GPHN: variants seen among roughly 807,000 people sequenced by gnomAD.
GPHN encodes the protein gephyrin.
GPHN carries 17 observed loss-of-function variants against 95.5 expected under a neutral mutation model. The ratio of observed to expected loss-of-function variants is 0.18; its 90% CI spans 0.12 to 0.27. The LOEUF (loss-of-function observed/expected upper bound fraction) is 0.27, where lower values mean the gene tolerates loss of function less well. GPHN is among the 10% of genes least tolerant of loss of function. The pLI, the probability that GPHN is intolerant of heterozygous loss-of-function variation, is 1.00. For missense variants in GPHN, 660 were observed against 978.1 expected, an observed-to-expected ratio of 0.67 and a Z score of 4.34; for synonymous variants, 320 against 322.5, an observed-to-expected ratio of 0.99 and a Z score of 0.08.
At chr14:66,626,653 C>T (rs1385954713) in intron 1 of GPHN, among the ~76,000 whole-genome samples, 2 of 152,178 alleles carry the variant, frequency 1.3e-5, no homozygotes, top group South Asian at 4.1e-4. Context: ...TGGCTTAACA[C>T]TGGACCTCAC....
intron 1 of GPHN, among the ~76,000 whole-genome samples, chr14:66,511,291 TTACTG>T (rs1453247664): frequency 6.6e-6 from 1 of 152,182 alleles, no homozygotes; most frequent in Non-Finnish European, 1.5e-5. Context: ...GAATTATTCT[TTACTG>T]AACTGAAGTA....
chr14:67,674,532 C>T, the GPHN span: 3 of 1,526,664 alleles, frequency 2.0e-6, no homozygotes, highest in Non-Finnish European at 2.6e-6. Flanking sequence ...GATTCGGGGC[C>T]CTGGGCCCTT....
At chr14:66,561,328 C>T (rs1366638267) in intron 1 of GPHN, among the ~76,000 whole-genome samples, 1 of 152,142 alleles carries the variant, frequency 6.6e-6, no homozygotes, top group Non-Finnish European at 1.5e-5. Context: ...ACCAGTTCCT[C>T]CTTGTACCTC....
At chr14:67,700,831 G>T in the GPHN span, among the ~76,000 whole-genome samples, 5 of 151,880 alleles carry the variant, frequency 3.3e-5, no homozygotes, top group Middle Eastern at 3.4e-3. Context: ...TTAAGACCAG[G>T]CTGGCTAGAA....
At chr14:67,332,888 G>A in the GPHN span, 1 of 1,614,058 alleles carries the variant, frequency 6.2e-7, no homozygotes. Flanking sequence ...AGCCTATCAG[G>A]AATTGCTTAG....
chr14:67,632,147 A>G, the GPHN span, among the ~76,000 whole-genome samples: 1 of 152,184 alleles, frequency 6.6e-6, no homozygotes, highest in African/African-American at 2.4e-5. Context: ...TCAGCCTCTC[A>G]AAGTGTTGGG....
the GPHN span, among the ~76,000 whole-genome samples, chr14:67,609,696 T>A: frequency 6.6e-6 from 1 of 152,354 alleles, no homozygotes; most frequent in African/African-American, 2.4e-5. Context: ...GGGCTCATTA[T>A]AAATAACAAG....
chr14:67,327,285 G>A, the GPHN span, among the ~76,000 whole-genome samples: 5 of 152,164 alleles, frequency 3.3e-5, no homozygotes, highest in Non-Finnish European at 4.4e-5. Context: ...CCTAGGAGTA[G>A]AATTGCCGGA....
intron 2 of GPHN, among the ~76,000 whole-genome samples, chr14:66,722,448 T>C (rs933515702): frequency 5.3e-5 from 8 of 150,200 alleles, no homozygotes; most frequent in Non-Finnish European, 4.4e-5. Context: ...TTTGTTTGTT[T>C]TTTGTTTTTA....
chr14:67,538,499 G>T, the GPHN span, among the ~76,000 whole-genome samples: 2 of 152,216 alleles, frequency 1.3e-5, no homozygotes, highest in Admixed American at 1.3e-4. Flanking sequence ...GCTCATCCTT[G>T]TGCATTTTTA....
At chr14:67,536,514 C>T in the GPHN span, among the ~76,000 whole-genome samples, 1 of 151,740 alleles carries the variant, frequency 6.6e-6, no homozygotes, top group Non-Finnish European at 1.5e-5. Flanking sequence ...ACAGAAGCCC[C>T]GTTGCCTTCC....
At chr14:67,329,882 ATAT>A in the GPHN span, among the ~76,000 whole-genome samples, 1 of 144,546 alleles carries the variant, frequency 6.9e-6, no homozygotes, top group Non-Finnish European at 1.5e-5. Flanking sequence ...AAATAAATAG[ATAT>A]AGAAACTAAG....
the GPHN span, among the ~76,000 whole-genome samples, chr14:67,397,381 G>A: frequency 6.6e-6 from 1 of 152,224 alleles, no homozygotes; most frequent in Non-Finnish European, 1.5e-5. Context: ...CCCATACAGT[G>A]CTCTAATACA....
At chr14:67,458,354 C>T in the GPHN span, among the ~76,000 whole-genome samples, 40 of 152,160 alleles carry the variant, frequency 2.6e-4, no homozygotes, top group Non-Finnish European at 1.8e-4. Context: ...TGCCAACTCT[C>T]TGGTTCGTTC....
chr14:67,561,060 A>T, the GPHN span, among the ~76,000 whole-genome samples: 2 of 152,016 alleles, frequency 1.3e-5, no homozygotes, highest in African/African-American at 4.8e-5. Context: ...CTCTGTCCTC[A>T]CACAAGTGGT....
At chr14:67,480,064 A>G in the GPHN span, among the ~76,000 whole-genome samples, 8 of 152,346 alleles carry the variant, frequency 5.3e-5, no homozygotes, top group South Asian at 1.7e-3. Flanking sequence ...TAATGACCAC[A>G]GAAGGCTGTT....
At position 66,945,623 on chromosome 14, in the gene GPHN, A is replaced by G. The variant is rs141748930; in HGVS notation, c.829-19568A>G. Among the ~76,000 whole-genome samples, 833 of 152,302 alleles carry G rather than the reference A, an allele frequency of 5.5e-3. 2 individuals carry two copies. Among genetic ancestry groups the G allele is most frequent in the African/African-American group, 0.019 (795 of 41,558 alleles). On this transcript the variant is annotated intron_variant, in intron 8 of 22. Coordinates refer to ENST00000478722, the MANE Select transcript of GPHN (RefSeq NM_020806.5). ...ACCACCTGCTTCCCCCAAAAAACCT[A>G]TTGAAATTAAAAATAAATAAATAAA...
intron 18 of GPHN, among the ~76,000 whole-genome samples, chr14:67,144,688 T>C (rs2080793124): frequency 6.6e-6 from 1 of 152,180 alleles, no homozygotes; most frequent in African/African-American, 2.4e-5. Context: ...ATCTCTGTCC[T>C]CTTGTAGCTA....
chr14:67,110,981 G>A (rs1328964641), intron 14 of GPHN, among the ~76,000 whole-genome samples: 1 of 152,176 alleles, frequency 6.6e-6, no homozygotes, highest in Non-Finnish European at 1.5e-5. Context: ...AAGTAGAATA[G>A]ATTCAACTGA....
Sources: allele counts gnomAD v4.1 joint callset (sites outside exome capture counted in the v4.1 genomes callset), GRCh38; gene constraint gnomAD v4.1.1; transcripts MANE v1.5; gene names NCBI Gene and HGNC (gene_info 2026-07-23, HGNC 2026-07-21).